The following CRTC3 variants were observed in gnomAD, a reference collection of about 807,000 sequenced individuals.
The protein encoded by CRTC3 is CREB regulated transcription coactivator 3.
Under a neutral mutation model 74.5 loss-of-function variants are expected in CRTC3, and 26 were observed. The observed-to-expected ratio is 0.35, with a 90% CI of 0.26 to 0.48. The LOEUF (loss-of-function observed/expected upper bound fraction) is 0.48, where lower values mean the gene tolerates loss of function less well. Among genes scored for constraint, CRTC3 ranks in the 20% least tolerant of loss-of-function variants. The pLI is 0.99. For synonymous variants in CRTC3, 377 were observed against 325.8 expected, an observed-to-expected ratio of 1.16 and a Z score of -1.69; for missense variants, 760 against 787.3, an observed-to-expected ratio of 0.97 and a Z score of 0.41.
intron 13 of CRTC3, among the ~76,000 whole-genome samples, chr15:90,639,282 G>A (rs1007807889): frequency 9.2e-5 from 14 of 152,056 alleles, no homozygotes; most frequent in Admixed American, 5.2e-4. Flanking sequence ...AGTGCGTTCC[G>A]TAAGGTATTT....
chr15:90,595,187 T>A (rs916685086), intron 3 of CRTC3: 12 of 152,324 alleles, frequency 7.9e-5, no homozygotes, highest in African/African-American at 2.9e-4. Context: ...AATTTGTACA[T>A]GTCAGGATGG....
At chr15:90,621,423 A>C (rs941228730) in intron 9 of CRTC3, among the ~76,000 whole-genome samples, 2 of 152,146 alleles carry the variant, frequency 1.3e-5, no homozygotes, top group African/African-American at 4.8e-5. Flanking sequence ...CCCAGGTTCA[A>C]GCGATTCTCC....
chr15:90,559,601 AT>A (rs1415286895), intron 2 of CRTC3, among the ~76,000 whole-genome samples: 1 of 151,800 alleles, frequency 6.6e-6, no homozygotes, highest in Non-Finnish European at 1.5e-5. Context: ...AAAAGTTGAA[AT>A]TTTTTCATTT....
In CRTC3 at chr15:90,593,676, A is replaced by G. The variant is rs756675409; in HGVS notation, c.272A>G (p.His91Arg). 27 of 1,611,172 alleles carry G rather than the reference A, an allele frequency of 1.7e-5. No individual in the cohort carries two copies. The highest frequency in any genetic ancestry group is 2.1e-5 in the Non-Finnish European group (25 of 1,177,556). The change falls in exon 3 of 15, where the codon CAT becomes CGT. Residue 91 changes from histidine (H) to arginine (R), a missense_variant. By Grantham distance (29) the His-to-Arg change is conservative. Around this residue, in one of 2 missense-constraint regions of CRTC3, gnomAD observed 108 missense variants for 152.1 expected, o/e 0.71. Coordinates refer to ENST00000268184, the MANE Select transcript of CRTC3 (RefSeq NM_022769.5). Reference sequence around the variant, plus strand: ...GCTGATAATGTTCGGGGAACCCGCCATCACGGGCTGGTGGAGAGGCCATCC... The same window carrying G: ...GCTGATAATGTTCGGGGAACCCGCCGTCACGGGCTGGTGGAGAGGCCATCC... The part of the protein sequence containing the change: ...HQADNVRGTR[H>R]HGLVERPSRN...
intron 2 of CRTC3, among the ~76,000 whole-genome samples, chr15:90,579,926 G>A (rs1163777708): frequency 2.0e-5 from 3 of 152,076 alleles, no homozygotes; most frequent in Non-Finnish European, 4.4e-5. Context: ...ACAGGCATGA[G>A]CCACCTGCCC....
chr15:90,604,699 G>C (rs1395777667), intron 5 of CRTC3, among the ~76,000 whole-genome samples: 1 of 152,146 alleles, frequency 6.6e-6, no homozygotes, highest in Non-Finnish European at 1.5e-5. Context: ...GATTGCCTCA[G>C]TTTACTCATT....
chr15:90,569,182 T>C (rs1967197630), intron 2 of CRTC3, among the ~76,000 whole-genome samples: 1 of 151,986 alleles, frequency 6.6e-6, no homozygotes, highest in African/African-American at 2.4e-5. Context: ...GAAAAATTTT[T>C]TTGTAGAGAT....
chr15:90,547,451 A>G (rs573582731), intron 2 of CRTC3, among the ~76,000 whole-genome samples: 2 of 152,348 alleles, frequency 1.3e-5, no homozygotes, highest in East Asian at 1.9e-4. Flanking sequence ...CTATTTTAAT[A>G]TACTAAAGAC....
intron 2 of CRTC3, among the ~76,000 whole-genome samples, chr15:90,578,011 C>A (rs867717821): frequency 9.2e-5 from 14 of 152,180 alleles, no homozygotes; most frequent in Admixed American, 1.3e-4. Flanking sequence ...CCGGATTCAG[C>A]AGTTCTCCTG....
chr15:90,530,104 C>T lies in CRTC3; in HGVS notation c.33C>T (p.Asn11=), dbSNP rs746173806. 9.6e-6 allele frequency: 14 copies of T among 1,452,542 alleles called. No individual in the cohort carries two copies. The Admixed American group carries it at 2.2e-4, about 23-fold the overall frequency. 90.0% of individuals were successfully genotyped at this position (1,452,542 alleles called of 1,614,324 possible). A position where few individuals can be genotyped will look rare whatever the true frequency, so the allele number is the denominator to read the frequency against. ...CCTCGCCGGGCTCGGGCAGCGCCAA[C>T]CCGCGGAAGTTCAGTGAGAAGATCG... is the stretch of plus-strand genomic sequence containing the variant. MAASPGSGSA[N]PRKFSEKIAL... is the part of the protein sequence containing the mutation. The change falls in exon 1 of 15, where the codon AAC becomes AAT. Residue 11 remains asparagine, a synonymous_variant. Coordinates refer to ENST00000268184, the MANE Select transcript of CRTC3 (RefSeq NM_022769.5). This position sits in a 1 kb window ranked among gnomAD's most constrained non-coding sequence, Gnocchi z 6.2.
rs956314019 is a variant in CRTC3, at chr15:90,636,770, A to C, written c.1267-1676A>C. Among the ~76,000 whole-genome samples, 3 of 152,404 alleles carry C rather than the reference A, an allele frequency of 2.0e-5. No individual in the cohort carries two copies. The East Asian group carries it at 5.8e-4, about 29-fold the overall frequency. On this transcript the variant is annotated intron_variant, in intron 11 of 14. Transcript: ENST00000268184. The stretch of plus-strand genomic sequence containing the variant: ...ATATGAACAGACACTCTTCAAAAGA[A>C]GACATTTATGCAGCTAAAAGACACA...
rs1159836738 is a variant in CRTC3 at position 90,642,321 on chromosome 15, C to G, written c.*181C>G. On this transcript the variant is annotated 3_prime_UTR_variant, in exon 15 of 15. Coordinates refer to ENST00000268184, the MANE Select transcript of CRTC3 (RefSeq NM_022769.5). ...CTGTGGCTTCCTCCAGATCACACAG[C>G]TTTGTACTGCCTCTCCCGCCTGTGG... The G allele has an allele frequency of 1.7e-6, 1 of 605,852 alleles. No homozygotes were observed. The highest frequency in any genetic ancestry group is 2.9e-6 in the Non-Finnish European group (1 of 343,206). The allele number at this position is 605,852 out of a possible 1,614,324, so 37.5% of individuals were successfully genotyped here. A position where few individuals can be genotyped will look rare whatever the true frequency, so the allele number is the denominator to read the frequency against.
At chr15:90,534,141 A>G (rs1455435536) in intron 1 of CRTC3, among the ~76,000 whole-genome samples, 1 of 152,156 alleles carries the variant, frequency 6.6e-6, no homozygotes, top group East Asian at 1.9e-4. Flanking sequence ...TGATAGTGGC[A>G]TTTACTAAGA....
chr15:90,544,189 C>T (rs1489342495), intron 2 of CRTC3, among the ~76,000 whole-genome samples: 2 of 152,202 alleles, frequency 1.3e-5, no homozygotes, highest in East Asian at 1.9e-4. Context: ...CCGTGGTCTG[C>T]GGCAGTCCTT....
intron 2 of CRTC3, among the ~76,000 whole-genome samples, chr15:90,587,298 C>T (rs773915741): frequency 2.0e-5 from 3 of 152,150 alleles, no homozygotes; most frequent in African/African-American, 4.8e-5. Context: ...TACTGTCTGC[C>T]GTTAGCTCTA....
At chr15:90,634,888 G>T (rs1248682679) in intron 11 of CRTC3, 2 of 1,569,354 alleles carry the variant, frequency 1.3e-6, no homozygotes, top group African/African-American at 2.7e-5. Flanking sequence ...GGTTCTAAAG[G>T]TAAGGCTGGA....
At chr15:90,640,948 C>T in intron 13 of CRTC3, 149 bp from the exon 14 acceptor site, 1 of 634,826 alleles carries the variant, frequency 1.6e-6, no homozygotes. Context: ...CATGCATTAC[C>T]ATAAGAGCAA....
At chr15:90,639,328 T>C (rs79084910) in intron 13 of CRTC3, among the ~76,000 whole-genome samples, 3,064 of 152,274 alleles carry the variant, frequency 0.02, 121 homozygotes, top group African/African-American at 0.07. Context: ...TTTAGTTTTT[T>C]CCTAACATTG....
At chr15:90,615,045 C>T (rs1194870258) in intron 7 of CRTC3, among the ~76,000 whole-genome samples, 5 of 151,282 alleles carry the variant, frequency 3.3e-5, no homozygotes, top group Non-Finnish European at 7.4e-5. Flanking sequence ...GTCTGGCGAC[C>T]GAGCGAGACT....
Sources: gnomAD v4.1 joint callset for allele counts (sites outside exome capture counted in the v4.1 genomes callset) on GRCh38, gnomAD v4.1.1 for gene constraint, gnomAD v4.1.1 regional missense constraint, Gnocchi (gnomAD v3.1) non-coding constraint, MANE v1.5 for transcripts, NCBI Gene and HGNC (gene_info 2026-07-23, HGNC 2026-07-21) for gene names.